PTK7: variants seen among roughly 807,000 people sequenced by gnomAD.
PTK7 encodes the protein inactive tyrosine-protein kinase 7.
A neutral mutation model predicts 116.6 loss-of-function variants in PTK7; 39 were observed. The ratio of observed to expected loss-of-function variants is 0.33; its 90% confidence interval spans 0.26 to 0.44. The LOEUF (loss-of-function observed/expected upper bound fraction) is 0.44, where lower values mean the gene tolerates loss of function less well. Ranked by LOEUF, PTK7 falls within the 20% of genes least tolerant of loss-of-function variation. The probability of loss-of-function intolerance (pLI) is 1.00; values close to 1 mark genes in which losing one functional copy is unlikely to be tolerated. For synonymous variants in PTK7, 546 were observed against 563.6 expected (o/e 0.97, Z 0.44); for missense variants, 1,169 against 1,425.6 (o/e 0.82, Z 2.90).
intron 1 of PTK7, among the ~76,000 whole-genome samples, chr6:43,089,301 T>C (rs755385360): frequency 6.6e-6 from 1 of 152,172 alleles, no homozygotes; most frequent in Non-Finnish European, 1.5e-5. Context: ...GTTCTGTCAA[T>C]GAAGGATGCA....
At chr6:43,146,319 T>G (rs111595956) in intron 16 of PTK7, among the ~76,000 whole-genome samples, 3 of 152,226 alleles carry the variant, frequency 2.0e-5, no homozygotes, top group African/African-American at 7.2e-5. Flanking sequence ...TAGGGGACTG[T>G]TTTCCTCTTG....
intron 1 of PTK7, among the ~76,000 whole-genome samples, chr6:43,081,511 T>C (rs1310383975): frequency 6.6e-6 from 1 of 152,122 alleles, no homozygotes; most frequent in Non-Finnish European, 1.5e-5. Context: ...TTCAAGTGAT[T>C]CTCCTACCTC....
chr6:43,109,278 C>T (rs1212688622), intron 1 of PTK7, among the ~76,000 whole-genome samples: 2 of 152,100 alleles, frequency 1.3e-5, no homozygotes, highest in African/African-American at 4.8e-5. Flanking sequence ...GGGGCTCAAG[C>T]AATCCTCCCA....
At chr6:43,098,395 G>A (rs951387871) in intron 1 of PTK7, among the ~76,000 whole-genome samples, 8 of 149,648 alleles carry the variant, frequency 5.3e-5, no homozygotes, top group Admixed American at 6.7e-5. Context: ...TCGCTCTGTC[G>A]CCCAGGCTGG....
chr6:43,157,942 T>C (rs1582233418), intron 17 of PTK7, among the ~76,000 whole-genome samples: 1 of 152,074 alleles, frequency 6.6e-6, no homozygotes, highest in Non-Finnish European at 1.5e-5. Context: ...ATCAGGCTGG[T>C]CTCGAACTCC....
chr6:43,106,924 GAA>G (rs1246764805), intron 1 of PTK7, among the ~76,000 whole-genome samples: 2 of 80,580 alleles, frequency 2.5e-5, no homozygotes, highest in African/African-American at 1.2e-4. Flanking sequence ...CCTCTTCCCT[GAA>G]TTTTTTTTTT....
At chr6:43,142,435 A>T in intron 13 of PTK7, 136 bp downstream of exon 13, 1 of 1,315,772 alleles carries the variant, frequency 7.6e-7, no homozygotes, top group Non-Finnish European at 1.1e-6. Flanking sequence ...CCGTCTCACC[A>T]TGCTGCTGCA....
rs150021504 is a variant in PTK7 at position 43,105,058 on chromosome 6, G to A, written c.80-23919G>A. ...GATCGCCTGACCTTGTGATCCACCC[G>A]CCACAGCCTCCCAAAGTGCTGGGAT... On this transcript the variant is annotated intron_variant, in intron 1 of 19. Transcript: ENST00000230419. 2.0e-3 allele frequency among the ~76,000 whole-genome samples: 299 copies of A among 149,842 alleles called. 3 individuals are homozygous for A. The highest frequency in any genetic ancestry group is 6.9e-3 in the African/African-American group (281 of 40,790).
At position 43,145,159 on chromosome 6, in the gene PTK7, C is replaced by A; in HGVS notation, c.2408-41C>A. 1 of 1,545,096 alleles carries A rather than the reference C, an allele frequency of 6.5e-7. No individual in the cohort carries two copies. Among genetic ancestry groups the A allele is most frequent in the African/African-American group, 1.4e-5 (1 of 73,512 alleles). On this transcript the variant is annotated intron_variant, in intron 15 of 19. Coordinates refer to ENST00000230419, the MANE Select transcript of PTK7 (RefSeq NM_002821.5). This position sits in a 1 kb window ranked among gnomAD's most constrained non-coding sequence, Gnocchi z 4.8. ...TCCCCCAGGTCAGGAGCTGCCTCGG[C>A]CTGGGTGAAGGTGGCTGGCTGACTC... is the stretch of plus-strand genomic sequence containing the variant.
At chr6:43,131,037 A>G (rs1015887000) in intron 5 of PTK7, among the ~76,000 whole-genome samples, 1 of 119,228 alleles carries the variant, frequency 8.4e-6, no homozygotes, top group African/African-American at 3.9e-5. Flanking sequence ...CATCACACAC[A>G]CACACACACA....
chr6:43,083,646 A>G (rs1242363352), intron 1 of PTK7, among the ~76,000 whole-genome samples: 2 of 152,174 alleles, frequency 1.3e-5, no homozygotes, highest in Non-Finnish European at 2.9e-5. Flanking sequence ...GCTGACACAC[A>G]CACAGGCGCC....
chr6:43,155,576 G>A lies in PTK7; in HGVS notation c.2722-3241G>A, dbSNP rs769329024. Reference sequence around the variant, plus strand: ...GGAGAATCGCTTGAACCCGGGAGGCGGAGTGGAGGTTGCAGTGAGCCGAGA... The same window carrying A: ...GGAGAATCGCTTGAACCCGGGAGGCAGAGTGGAGGTTGCAGTGAGCCGAGA... On this transcript the variant is annotated intron_variant, in intron 17 of 19. Coordinates refer to ENST00000230419, the MANE Select transcript of PTK7 (RefSeq NM_002821.5). Among the ~76,000 whole-genome samples the A allele has an allele frequency of 8.7e-5, 13 of 149,010 alleles. No individual in the cohort carries two copies. The South Asian group carries it at 1.1e-3, about 12-fold the overall frequency.
intron 1 of PTK7, among the ~76,000 whole-genome samples, chr6:43,124,059 G>A (rs928355679): frequency 1.3e-5 from 2 of 152,160 alleles, no homozygotes; most frequent in African/African-American, 4.8e-5. Context: ...TCTCCATGGG[G>A]GCTTGTGTGC....
intron 1 of PTK7, among the ~76,000 whole-genome samples, chr6:43,085,359 C>A (rs929730499): frequency 1.2e-4 from 19 of 152,124 alleles, no homozygotes; most frequent in African/African-American, 4.1e-4. Context: ...CGCCATTCTC[C>A]TCCCTCAGCC....
chr6:43,131,438 A>G (rs1452249986), intron 5 of PTK7, among the ~76,000 whole-genome samples: 1 of 152,218 alleles, frequency 6.6e-6, no homozygotes, highest in Non-Finnish European at 1.5e-5. Context: ...GCAGTTTACA[A>G]AAGAAAGAGG....
rs575648394 is a variant in PTK7, at chr6:43,116,483, C to T, written c.80-12494C>T. Among the ~76,000 whole-genome samples the T allele has an allele frequency of 3.3e-5, 5 of 152,298 alleles. No individual in the cohort carries two copies. The South Asian group carries it at 1.0e-3, about 32-fold the overall frequency. Reference sequence around the variant, plus strand: ...GCTCCGGGAAGTGGTTTGCAGAACGCTTCTAAATATAAAAGTATGAGACTG... The same window carrying T: ...GCTCCGGGAAGTGGTTTGCAGAACGTTTCTAAATATAAAAGTATGAGACTG... On this transcript the variant is annotated intron_variant, in intron 1 of 19. Coordinates refer to ENST00000230419, the MANE Select transcript of PTK7 (RefSeq NM_002821.5).
At chr6:43,116,651 T>TGTGTGTGTGTGCGCGCGCGCGCGC (rs1323606377) in intron 1 of PTK7, among the ~76,000 whole-genome samples, 2 of 77,214 alleles carry the variant, frequency 2.6e-5, no homozygotes, top group African/African-American at 1.3e-4. Context: ...TGTGTGTGTG[T>TGTGTGTGTGTGCGCGCGCGCGCGC]GCGCGCGCAC....
chr6:43,130,827 A>G (rs538199623), intron 5 of PTK7, among the ~76,000 whole-genome samples, 166 bp downstream of exon 5: 5 of 152,272 alleles, frequency 3.3e-5, no homozygotes, highest in African/African-American at 1.2e-4. Context: ...AGTCTGACAC[A>G]GGGAAGAGTC....
At chr6:43,116,648 GT>G in intron 1 of PTK7, among the ~76,000 whole-genome samples, 1 of 93,436 alleles carries the variant, frequency 1.1e-5, no homozygotes, top group Non-Finnish European at 2.2e-5. Flanking sequence ...GTGTGTGTGT[GT>G]GTGCGCGCGC....
Sources: gnomAD v4.1 joint callset for allele counts (sites outside exome capture counted in the v4.1 genomes callset) on GRCh38, gnomAD v4.1.1 for gene constraint, Gnocchi (gnomAD v3.1) non-coding constraint, MANE v1.5 for transcripts, NCBI Gene and HGNC (gene_info 2026-07-23, HGNC 2026-07-21) for gene names.